The following FBLN5 variants were observed in gnomAD, a reference collection of about 807,000 sequenced individuals.
FBLN5 encodes the protein fibulin 5.
FBLN5 carries 24 observed loss-of-function variants against 61.6 expected under a neutral mutation model. The observed-to-expected ratio is 0.39, with a 90% CI of 0.28 to 0.55. The LOEUF is 0.55. Among genes scored for constraint, FBLN5 ranks in the 20% least tolerant of loss-of-function variants. FBLN5 has a pLI of 0.65. For missense variants in FBLN5, 470 were observed against 594.1 expected, an observed-to-expected ratio of 0.79 and a Z score of 2.17; for synonymous variants, 213 against 219.8, an observed-to-expected ratio of 0.97 and a Z score of 0.27.
chr14:91,884,065 A>C (rs1401406643), intron 7 of FBLN5, among the ~76,000 whole-genome samples: 1 of 152,134 alleles, frequency 6.6e-6, no homozygotes, highest in Non-Finnish European at 1.5e-5. Flanking sequence ...TCCTCGGATT[A>C]CTCTCTCACT....
chr14:91,926,501 C>T (rs1347594886), intron 4 of FBLN5, among the ~76,000 whole-genome samples: 2 of 152,138 alleles, frequency 1.3e-5, no homozygotes, highest in Admixed American at 1.3e-4. Context: ...TCTAAGAGGG[C>T]CCCAGAGAAA....
At chr14:91,907,445 C>T (rs1172491944) in intron 4 of FBLN5, among the ~76,000 whole-genome samples, 1 of 152,104 alleles carries the variant, frequency 6.6e-6, no homozygotes, top group African/African-American at 2.4e-5. Flanking sequence ...TTAGTGAGTA[C>T]CCTAATACAA....
chr14:91,873,128 G>A lies in FBLN5; in HGVS notation c.1186-2743C>T, dbSNP rs974976. On this transcript the variant is annotated intron_variant, in intron 10 of 10. Coordinates refer to ENST00000342058, the MANE Select transcript of FBLN5 (RefSeq NM_006329.4). ...CCACCCTACCCACAAGCACCTGGAA[G>A]AGCTCAAGTACCTGCCACAAGAGCT... 4.4e-3 allele frequency among the ~76,000 whole-genome samples: 671 copies of A among 152,330 alleles called. 8 individuals are homozygous for A. The highest frequency in any genetic ancestry group is 0.015 in the African/African-American group (643 of 41,568).
At chr14:91,900,153 A>C (rs1407521608) in intron 4 of FBLN5, among the ~76,000 whole-genome samples, 1 of 152,240 alleles carries the variant, frequency 6.6e-6, no homozygotes, top group Non-Finnish European at 1.5e-5. Context: ...GCTGGTTCTC[A>C]GAAAACATCA....
intron 9 of FBLN5, among the ~76,000 whole-genome samples, chr14:91,880,295 C>T (rs1458770872): frequency 6.6e-6 from 1 of 152,178 alleles, no homozygotes; most frequent in Non-Finnish European, 1.5e-5. Context: ...TTGGGCCCCA[C>T]CCCAAACCCA....
At chr14:91,883,760 T>G (rs1360246587) in intron 7 of FBLN5, among the ~76,000 whole-genome samples, 1 of 152,114 alleles carries the variant, frequency 6.6e-6, no homozygotes, top group Non-Finnish European at 1.5e-5. Context: ...TTTTTCTCTT[T>G]GTGGCTCGCC....
rs78978877 is a variant in FBLN5 at position 91,943,007 on chromosome 14, G to C, written c.18-46C>G. Reference sequence around the variant, plus strand: ...ATATAAATGCCCAAGACAGATTCAGGTCTAGGGGAGTGTGGGTCGCATGCG... The same window carrying C: ...ATATAAATGCCCAAGACAGATTCAGCTCTAGGGGAGTGTGGGTCGCATGCG... On this transcript the variant is annotated intron_variant, in intron 1 of 10. Coordinates refer to ENST00000342058, the MANE Select transcript of FBLN5 (RefSeq NM_006329.4). The surrounding 1 kb of genome is among the most constrained non-coding windows in gnomAD (Gnocchi z 4.0). The C allele has an allele frequency of 1.9e-3, 2,497 of 1,306,742 alleles. 145 individuals are homozygous for C. The East Asian group carries it at 0.061, about 32-fold the overall frequency. The allele number at this position is 1,306,742 out of a possible 1,614,324, so 80.9% of individuals were successfully genotyped here.
rs973554822 is a variant in FBLN5, at chr14:91,947,138, C to T, written c.17+75G>A. 33 of 1,604,970 alleles carry T rather than the reference C, an allele frequency of 2.1e-5. No individual in the cohort carries two copies. The highest frequency in any genetic ancestry group is 2.6e-5 in the Non-Finnish European group (31 of 1,172,512). ...GACACCGCCTGAATCGCAGCCATAA[C>T]CATTTTCCACCCATCGGATTTTTAG... is the stretch of plus-strand genomic sequence containing the variant. On this transcript the variant is annotated intron_variant, in intron 1 of 10. Coordinates refer to ENST00000342058, the MANE Select transcript of FBLN5 (RefSeq NM_006329.4). This position sits in a 1 kb window ranked among gnomAD's most constrained non-coding sequence, Gnocchi z 4.3.
In FBLN5 at chr14:91,943,118, C is replaced by T. The variant is rs561605840; in HGVS notation, c.18-157G>A. On this transcript the variant is annotated intron_variant, in intron 1 of 10. Coordinates refer to ENST00000342058, the MANE Select transcript of FBLN5 (RefSeq NM_006329.4). The surrounding 1 kb of genome is among the most constrained non-coding windows in gnomAD (Gnocchi z 4.0). The stretch of plus-strand genomic sequence containing the variant: ...GAGGTCATGGTGGTTCCAGACACCG[C>T]GACCACCCAAGCAGAACCACACCTC... 1.3e-5 allele frequency among the ~76,000 whole-genome samples: 2 copies of T among 151,408 alleles called. No individual in the cohort carries two copies. Among genetic ancestry groups the T allele is most frequent in the African/African-American group, 2.4e-5 (1 of 41,088 alleles).
At chr14:91,939,980 G>A (rs762422230) in intron 3 of FBLN5, 2 of 453,886 alleles carry the variant, frequency 4.4e-6, no homozygotes, top group Non-Finnish European at 8.8e-6. Context: ...GATTCAAAGT[G>A]AGAAACGCTT....
intron 4 of FBLN5, among the ~76,000 whole-genome samples, chr14:91,915,686 C>CAAAAAAAAAAAA (rs34675184): frequency 9.1e-5 from 4 of 43,742 alleles, no homozygotes; most frequent in Non-Finnish European, 1.6e-4. Context: ...GACTCCATCT[C>CAAAAAAAAAAAA]AAAAAAAAAA....
chr14:91,894,840 G>GGAAAA, intron 5 of FBLN5, 110 bp downstream of exon 5: 1 of 323,720 alleles, frequency 3.1e-6, no homozygotes, highest in South Asian at 2.4e-5. Context: ...GCCCTCCCTA[G>GGAAAA]CAAAGAAAAG....
intron 4 of FBLN5, among the ~76,000 whole-genome samples, chr14:91,908,716 A>G (rs933450832): frequency 6.6e-6 from 1 of 152,208 alleles, no homozygotes; most frequent in Non-Finnish European, 1.5e-5. Flanking sequence ...GTTCTAAAAC[A>G]TAGGAGCCCA....
intron 2 of FBLN5, 73 bp from the exon 3 acceptor site, chr14:91,940,689 A>C (rs566737231): frequency 7.4e-7 from 1 of 1,345,030 alleles, no homozygotes; most frequent in African/African-American, 1.4e-5. Flanking sequence ...GCAACACAGA[A>C]AGTTGGGGAA....
At chr14:91,906,723 C>A (rs1890700097) in intron 4 of FBLN5, among the ~76,000 whole-genome samples, 1 of 152,224 alleles carries the variant, frequency 6.6e-6, no homozygotes, top group East Asian at 1.9e-4. Flanking sequence ...GGCGAGGGAG[C>A]TACATGTGGG....
At chr14:91,898,327 T>C (rs1038342313) in intron 4 of FBLN5, among the ~76,000 whole-genome samples, 2 of 151,968 alleles carry the variant, frequency 1.3e-5, no homozygotes, top group African/African-American at 4.8e-5. Context: ...CAAACATCAA[T>C]CCCTCGCAGC....
chr14:91,901,460 C>T (rs993394722), intron 4 of FBLN5, among the ~76,000 whole-genome samples: 1 of 152,132 alleles, frequency 6.6e-6, no homozygotes, highest in African/African-American at 2.4e-5. Flanking sequence ...ACATGTTTTC[C>T]CAGCCCATTT....
At chr14:91,914,351 G>A (rs529027644) in intron 4 of FBLN5, among the ~76,000 whole-genome samples, 10 of 151,976 alleles carry the variant, frequency 6.6e-5, no homozygotes, top group South Asian at 2.1e-4. Context: ...GGTGGCAGGC[G>A]CCTGTAGTCC....
At chr14:91,885,500 T>C (rs950067975) in intron 7 of FBLN5, among the ~76,000 whole-genome samples, 3 of 152,148 alleles carry the variant, frequency 2.0e-5, no homozygotes, top group African/African-American at 7.2e-5. Flanking sequence ...CCCTGGGACA[T>C]GGGAAGCAGC....
Sources: allele counts gnomAD v4.1 joint callset (sites outside exome capture counted in the v4.1 genomes callset), GRCh38; gene constraint gnomAD v4.1.1; non-coding constraint Gnocchi (gnomAD v3.1); transcripts MANE v1.5; gene names NCBI Gene and HGNC (gene_info 2026-07-23, HGNC 2026-07-21).